LCLAT1: variants seen among roughly 807,000 people sequenced by gnomAD.
LCLAT1 encodes lysocardiolipin acyltransferase 1.
In LCLAT1, 11 loss-of-function variants were observed where a neutral mutation model predicts 30.7. The observed-to-expected ratio is 0.36, with a 90% confidence interval of 0.23 to 0.59. LCLAT1 has a LOEUF of 0.59. LCLAT1 is among the 20% of genes least tolerant of loss of function. The pLI is 0.77. For synonymous variants in LCLAT1, 155 were observed against 151.3 expected (o/e 1.02, Z -0.18); for missense variants, 402 against 458.6 (o/e 0.88, Z 1.13).
intron 4 of LCLAT1, among the ~76,000 whole-genome samples, chr2:30,563,214 C>A (rs1022634765): frequency 6.6e-6 from 1 of 152,020 alleles, no homozygotes; most frequent in Non-Finnish European, 1.5e-5. Flanking sequence ...ACCATATAGG[C>A]CAGGAATTGC....
chr2:30,623,046 ATTTTTTTTTT>A (rs34283582), intron 5 of LCLAT1, among the ~76,000 whole-genome samples: 1 of 83,240 alleles, frequency 1.2e-5, no homozygotes, highest in Non-Finnish European at 2.2e-5. Context: ...AATTCAAAGA[ATTTTTTTTTT>A]TTTTTTTTTT....
At chr2:30,566,308 T>G (rs1265004047) in intron 4 of LCLAT1, among the ~76,000 whole-genome samples, 1 of 152,198 alleles carries the variant, frequency 6.6e-6, no homozygotes, top group East Asian at 1.9e-4. Flanking sequence ...TAAAGGGTAG[T>G]TACTACTCAT....
intron 3 of LCLAT1, among the ~76,000 whole-genome samples, chr2:30,538,924 T>C (rs1324761538): frequency 6.6e-6 from 1 of 151,414 alleles, no homozygotes; most frequent in African/African-American, 2.4e-5. Context: ...CAGCACCAGA[T>C]GGCTTCACTA....
intron 3 of LCLAT1, among the ~76,000 whole-genome samples, chr2:30,554,958 A>T (rs1283987097): frequency 6.7e-6 from 1 of 149,826 alleles, no homozygotes; most frequent in Admixed American, 6.8e-5. Flanking sequence ...AAACAGAAGG[A>T]ATGTTTTCTA....
intron 1 of LCLAT1, among the ~76,000 whole-genome samples, chr2:30,488,391 G>A (rs1163798631): frequency 6.6e-6 from 1 of 152,242 alleles, no homozygotes; most frequent in Non-Finnish European, 1.5e-5. Flanking sequence ...AAAAGGTAAT[G>A]TTGGCTTCAT....
At chr2:30,592,909 CT>C (rs1666761222) in intron 5 of LCLAT1, among the ~76,000 whole-genome samples, 1 of 152,196 alleles carries the variant, frequency 6.6e-6, no homozygotes, top group South Asian at 2.1e-4. Flanking sequence ...AAACATTTAT[CT>C]TTTCACATTA....
chr2:30,503,518 C>G lies in LCLAT1; in HGVS notation c.-4-22069C>G, dbSNP rs1000557864. ...CTAGGTGGAGTATACTAGAGTTACC[C>G]TAATCATTTTGAAATGATTTCACAT... On this transcript the variant is annotated intron_variant, in intron 1 of 5. Coordinates refer to ENST00000379509, the MANE Select transcript of LCLAT1 (RefSeq NM_001002257.3). 6.6e-5 allele frequency among the ~76,000 whole-genome samples: 10 copies of G among 152,226 alleles called. No homozygotes were observed. The East Asian group carries it at 1.9e-3, about 29-fold the overall frequency.
At chr2:30,494,866 G>A (rs1380463606) in intron 1 of LCLAT1, among the ~76,000 whole-genome samples, 1 of 148,060 alleles carries the variant, frequency 6.8e-6, no homozygotes, top group Non-Finnish European at 1.5e-5. Context: ...TTTTCTGTTT[G>A]GGGGGTGGAG....
intron 5 of LCLAT1, among the ~76,000 whole-genome samples, chr2:30,620,422 T>G (rs1668189783): frequency 6.6e-6 from 1 of 152,186 alleles, no homozygotes; most frequent in South Asian, 2.1e-4. Flanking sequence ...ATAGCCTCTC[T>G]TCCTCAACTA....
intron 5 of LCLAT1, among the ~76,000 whole-genome samples, chr2:30,592,667 A>C (rs1000344062): frequency 6.6e-6 from 1 of 152,242 alleles, no homozygotes; most frequent in Admixed American, 6.5e-5. Context: ...CATTACATAC[A>C]TTTTAGTAGC....
chr2:30,477,255 T>C (rs1183975119), intron 1 of LCLAT1, among the ~76,000 whole-genome samples: 1 of 152,202 alleles, frequency 6.6e-6, no homozygotes, highest in Non-Finnish European at 1.5e-5. Context: ...TAGAAATCGA[T>C]TTCTCCATTT....
At chr2:30,551,674 C>T (rs374133975) in intron 3 of LCLAT1, among the ~76,000 whole-genome samples, 36 of 152,222 alleles carry the variant, frequency 2.4e-4, no homozygotes, top group East Asian at 1.7e-3. Context: ...AGGATTGCTA[C>T]GGGATCTGTT....
chr2:30,516,482 T>C (rs534506743), intron 1 of LCLAT1, among the ~76,000 whole-genome samples: 84 of 152,322 alleles, frequency 5.5e-4, no homozygotes, highest in African/African-American at 1.8e-3. Flanking sequence ...GCTAAGTGCA[T>C]GCATTCATCC....
intron 2 of LCLAT1, among the ~76,000 whole-genome samples, chr2:30,532,565 A>G (rs1326208624): frequency 4.6e-5 from 7 of 152,172 alleles, no homozygotes; most frequent in Non-Finnish European, 8.8e-5. Flanking sequence ...CAATTATTTG[A>G]ACATTACTAT....
At chr2:30,529,678 T>C (rs1685895941) in intron 2 of LCLAT1, among the ~76,000 whole-genome samples, 1 of 152,156 alleles carries the variant, frequency 6.6e-6, no homozygotes, top group South Asian at 2.1e-4. Flanking sequence ...AGGGCACAAG[T>C]TTCTTCCACA....
chr2:30,592,356 T>G (rs1292013567), intron 5 of LCLAT1, among the ~76,000 whole-genome samples: 2 of 152,178 alleles, frequency 1.3e-5, no homozygotes, highest in Non-Finnish European at 1.5e-5. Context: ...GGCACATGCC[T>G]GTAATCCCAG....
chr2:30,617,318 G>C (rs1015412617), intron 5 of LCLAT1, among the ~76,000 whole-genome samples: 1 of 152,096 alleles, frequency 6.6e-6, no homozygotes, highest in African/African-American at 2.4e-5. Flanking sequence ...GTTTAAGTTA[G>C]AATAATGCTG....
intron 5 of LCLAT1, among the ~76,000 whole-genome samples, chr2:30,611,370 G>C (rs1667731194): frequency 6.6e-6 from 1 of 152,072 alleles, no homozygotes; most frequent in Admixed American, 6.6e-5. Flanking sequence ...AGAGAACAGA[G>C]AGTGTGTGTG....
intron 1 of LCLAT1, among the ~76,000 whole-genome samples, chr2:30,456,697 C>T (rs1024319675): frequency 3.3e-5 from 5 of 151,854 alleles, no homozygotes; most frequent in East Asian, 3.9e-4. Flanking sequence ...CTGTGGTATA[C>T]GATGAGGCAA....
Sources: allele counts gnomAD v4.1 joint callset (sites outside exome capture counted in the v4.1 genomes callset), GRCh38; gene constraint gnomAD v4.1.1; transcripts MANE v1.5; gene names NCBI Gene and HGNC (gene_info 2026-07-23, HGNC 2026-07-21).